The following COL12A1 variants were observed in gnomAD, a reference collection of about 807,000 sequenced individuals.
COL12A1 encodes collagen alpha-1(XII) chain.
A neutral mutation model predicts 349.7 loss-of-function variants in COL12A1; 114 were observed. The ratio of observed to expected loss-of-function variants is 0.33; its 90% CI spans 0.28 to 0.38. COL12A1 has a LOEUF of 0.38. Among genes scored for constraint, COL12A1 ranks in the 10% least tolerant of loss-of-function variants. The probability of loss-of-function intolerance (pLI) is 1.00; values close to 1 mark genes in which losing one functional copy is unlikely to be tolerated. For missense variants in COL12A1, 3,284 were observed against 3,756.9 expected, an observed-to-expected ratio of 0.87 and a Z score of 3.29; for synonymous variants, 1,369 against 1,329.0, an observed-to-expected ratio of 1.03 and a Z score of -0.66.
chr6:75,161,939 T>C (rs1768047867), intron 14 of COL12A1, among the ~76,000 whole-genome samples: 1 of 152,008 alleles, frequency 6.6e-6, no homozygotes, highest in East Asian at 1.9e-4. Flanking sequence ...GGAATACAAC[T>C]TACAAGGGAT....
chr6:75,119,421 G>T lies in COL12A1; in HGVS notation c.7139C>A (p.Thr2380Lys). ...DEVKSEFKLN[T>K]YNDKALALGA... ...AAGGGCTAGGGCCTTGTCATTGTAC[G>T]TGTTCAGCTTGAACTCAGACTTGAC... is the stretch of plus-strand genomic sequence containing the variant. Residue 2380 changes from threonine to lysine, a missense_variant, in exon 45 of 66, where the codon ACG (threonine) becomes AAG (lysine). Thr to Lys is a moderately conservative substitution (Grantham distance 78). This residue lies in a region of COL12A1 where 683 missense variants were observed against 932.1 expected (regional missense o/e 0.73). Transcript: ENST00000322507. 9 of 1,613,888 alleles carry T rather than the reference G, an allele frequency of 5.6e-6. No homozygotes were observed. The highest frequency in any genetic ancestry group is 7.6e-6 in the Non-Finnish European group (9 of 1,179,860).
intron 25 of COL12A1, among the ~76,000 whole-genome samples, chr6:75,144,645 A>G (rs1482213581): frequency 2.6e-5 from 4 of 152,220 alleles, no homozygotes; most frequent in Non-Finnish European, 2.9e-5. Flanking sequence ...AAGCACCTAA[A>G]TGCTTAGTAA....
At chr6:75,184,969 C>T (rs1399273710) in intron 8 of COL12A1, among the ~76,000 whole-genome samples, 4 of 152,064 alleles carry the variant, frequency 2.6e-5, no homozygotes, top group African/African-American at 7.2e-5. Flanking sequence ...ATTTACACAT[C>T]GCCTCCTCAA....
chr6:75,182,837 TA>T (rs548187555), intron 10 of COL12A1, among the ~76,000 whole-genome samples: 216 of 152,312 alleles, frequency 1.4e-3, no homozygotes, highest in African/African-American at 5.0e-3. Context: ...CTCTTGTAAC[TA>T]AACAGCTTTT....
At chr6:75,092,443 T>C (rs1562095496) in intron 60 of COL12A1, among the ~76,000 whole-genome samples, 1 of 152,218 alleles carries the variant, frequency 6.6e-6, no homozygotes, top group Non-Finnish European at 1.5e-5. Context: ...AGAATATTTG[T>C]CCCTACACTG....
chr6:75,147,522 A>G (rs1214280357), intron 23 of COL12A1, among the ~76,000 whole-genome samples, 153 bp downstream of exon 23: 1 of 152,176 alleles, frequency 6.6e-6, no homozygotes, highest in Non-Finnish European at 1.5e-5. Context: ...ACCACTGAGT[A>G]TTTTCTGGGC....
rs375221786 is a variant in COL12A1 at position 75,156,260 on chromosome 6, T to C, written c.3247A>G (p.Thr1083Ala). The C allele has an allele frequency of 2.3e-5, 37 of 1,613,628 alleles. No homozygotes were observed. Among genetic ancestry groups the C allele is most frequent in the Admixed American group, 2.2e-4 (13 of 59,982 alleles). The change falls in exon 15 of 66, where the codon ACA (threonine) becomes GCA (alanine). Residue 1083 changes from threonine (T) to alanine (A), a missense_variant. Physicochemically the swap from Thr to Ala is moderately conservative, Grantham distance 58. Coordinates refer to ENST00000322507, the MANE Select transcript of COL12A1 (RefSeq NM_004370.6). ...EGKLRQGSGT[T>A]ASRFKSPRNL... ...AAATATAATTATTATTTCATACCTG[T>C]TGTTCCTGATCCTTGCCTAAGCTTT...
Position 75,202,814 on chromosome 6 carries a change from C to T in COL12A1, c.-22G>A. ...GCATCCTTGGCCTCCGAGCTTACAG[C>T]GGCATGAAGAGATCTGCGGGAGGAA... On this transcript the variant is annotated 5_prime_UTR_variant, in exon 2 of 66. Transcript: ENST00000322507. 2 of 1,550,802 alleles carry T rather than the reference C, an allele frequency of 1.3e-6. No individual in the cohort carries two copies. The highest frequency in any genetic ancestry group is 8.7e-7 in the Non-Finnish European group (1 of 1,146,256).
rs1243736112 is a variant in COL12A1 at position 75,133,938 on chromosome 6, C to T, written c.5584G>A (p.Val1862Ile). The T allele has an allele frequency of 1.2e-6, 2 of 1,613,962 alleles. No individual in the cohort carries two copies. The highest frequency in any genetic ancestry group is 2.2e-5 in the East Asian group (1 of 44,882). The change falls in exon 33 of 66, where the codon GTC becomes ATC. Residue 1862 changes from valine to isoleucine, a missense_variant. Val to Ile is a conservative substitution (Grantham distance 29). Coordinates refer to ENST00000322507, the MANE Select transcript of COL12A1 (RefSeq NM_004370.6). ...VYDPSTSTLN[V>I]RWDHAEGNPR... is the part of the protein sequence containing the mutation. ...TTTCCCTCTGCATGGTCCCAGCGGA[C>T]ATTCAAGGTGCTGGTAGAAGGGTCA...
intron 25 of COL12A1, among the ~76,000 whole-genome samples, chr6:75,144,234 C>A (rs1165624886): frequency 6.6e-6 from 1 of 152,168 alleles, no homozygotes; most frequent in Non-Finnish European, 1.5e-5. Flanking sequence ...TCTCCTCTCT[C>A]AGCACTTTCA....
chr6:75,198,791 G>C (rs149800998), intron 2 of COL12A1, among the ~76,000 whole-genome samples: 4 of 152,066 alleles, frequency 2.6e-5, no homozygotes, highest in African/African-American at 4.8e-5. Context: ...TACATAATGC[G>C]CTATAGATAT....
intron 58 of COL12A1, among the ~76,000 whole-genome samples, chr6:75,099,881 C>T (rs9447443): frequency 0.038 from 5,852 of 152,268 alleles, 377 homozygotes; most frequent in African/African-American, 0.13. Context: ...CACCACAACC[C>T]TTGGCCTTGA....
intron 12 of COL12A1, 43 bp downstream of exon 12, chr6:75,177,620 T>A: frequency 6.2e-7 from 1 of 1,613,002 alleles, no homozygotes; most frequent in Non-Finnish European, 8.5e-7. Flanking sequence ...CCCTCTAGTC[T>A]AAGAGTTTGG....
intron 64 of COL12A1, 31 bp downstream of exon 64, chr6:75,089,075 C>G (rs2149325254): frequency 2.6e-6 from 4 of 1,516,634 alleles, no homozygotes; most frequent in Non-Finnish European, 3.7e-6. Context: ...TATTTATAGT[C>G]TTTGCCTGTT....
In COL12A1 at chr6:75,193,015, T is replaced by C. The variant is rs532491588; in HGVS notation, c.191-660A>G. Among the ~76,000 whole-genome samples, 8 of 152,312 alleles carry C rather than the reference T, an allele frequency of 5.3e-5. No individual in the cohort carries two copies. The South Asian group carries it at 1.7e-3, about 32-fold the overall frequency. Reference sequence around the variant, plus strand: ...TTCTCAATTCAATCAGGAAACCTGGTGGTTCCTGGGAATTACGTGCCTGAT... The same window carrying C: ...TTCTCAATTCAATCAGGAAACCTGGCGGTTCCTGGGAATTACGTGCCTGAT... On this transcript the variant is annotated intron_variant, in intron 3 of 65. Transcript: ENST00000322507.
Position 75,137,492 on chromosome 6 carries a change from A to G in COL12A1, c.5339T>C (p.Val1780Ala), listed in dbSNP as rs772041053. The G allele has an allele frequency of 9.9e-6, 16 of 1,613,708 alleles. No individual in the cohort carries two copies. Among genetic ancestry groups the G allele is most frequent in the Non-Finnish European group, 1.2e-5 (14 of 1,179,864 alleles). The stretch of plus-strand genomic sequence containing the variant: ...CTGATAAGTGATCCTATATTTCTGC[A>G]CACGACCACTAGCAGGATCCCACTT... ...TVKWDPASGRVQKYRITYQPS... is the reference protein window; with the variant it reads ...TVKWDPASGRAQKYRITYQPS... Residue 1780 changes from valine to alanine, a missense_variant, in exon 31 of 66, where the codon GTG (valine) becomes GCG (alanine). Physicochemically the swap from Val to Ala is moderately conservative, Grantham distance 64. This residue lies in a region of COL12A1 where 2,601 missense variants were observed against 2,824.8 expected (regional missense o/e 0.92). Transcript: ENST00000322507.
intron 14 of COL12A1, among the ~76,000 whole-genome samples, chr6:75,158,818 A>G (rs950289568): frequency 6.6e-6 from 1 of 152,118 alleles, no homozygotes; most frequent in Non-Finnish European, 1.5e-5. Flanking sequence ...TTATAATAGA[A>G]CATGAAACAC....
Position 75,155,651 on chromosome 6 carries a change from T to G in COL12A1, c.3443+11A>C. The G allele has an allele frequency of 5.6e-6, 9 of 1,593,810 alleles. No homozygotes were observed. Among genetic ancestry groups the G allele is most frequent in the Non-Finnish European group, 7.7e-6 (9 of 1,173,534 alleles). ...ATTTCATCCTTTGATACAAACGTAGTTAATTCCTACCTAAGTTCCTCCAAA... is the reference window on the plus strand; with the variant it reads ...ATTTCATCCTTTGATACAAACGTAGGTAATTCCTACCTAAGTTCCTCCAAA... On this transcript the variant is annotated intron_variant, in intron 16 of 65. Coordinates refer to ENST00000322507, the MANE Select transcript of COL12A1 (RefSeq NM_004370.6).
intron 13 of COL12A1, among the ~76,000 whole-genome samples, chr6:75,168,495 A>G (rs2149442839): frequency 6.6e-6 from 1 of 152,312 alleles, no homozygotes; most frequent in African/African-American, 2.4e-5. Flanking sequence ...ACAACAGGCT[A>G]TGTCACCTCC....
Sources: allele counts gnomAD v4.1 joint callset (sites outside exome capture counted in the v4.1 genomes callset), GRCh38; gene constraint gnomAD v4.1.1; regional missense constraint gnomAD v4.1.1; transcripts MANE v1.5; gene names NCBI Gene and HGNC (gene_info 2026-07-23, HGNC 2026-07-21).